KIAA1217: variants seen among roughly 807,000 people sequenced by gnomAD.
The protein encoded by KIAA1217 is sickle tail protein homolog.
In KIAA1217, 88 loss-of-function variants were observed where a neutral mutation model predicts 163.9. The ratio of observed to expected loss-of-function variants is 0.54; its 90% CI spans 0.45 to 0.64. KIAA1217 has a LOEUF of 0.64. Ranked by LOEUF, KIAA1217 falls within the 30% of genes least tolerant of loss-of-function variation. The probability of loss-of-function intolerance (pLI) is 0.00; values close to 1 mark genes in which losing one functional copy is unlikely to be tolerated. For missense variants in KIAA1217, 2,372 were observed against 2,475.0 expected (o/e 0.96, Z 0.88); for synonymous variants, 903 against 923.1 (o/e 0.98, Z 0.39).
chr10:23,863,247 C>T (rs548202552), intron 1 of KIAA1217, among the ~76,000 whole-genome samples: 1 of 152,236 alleles, frequency 6.6e-6, no homozygotes, highest in East Asian at 1.9e-4. Flanking sequence ...TGTTACATCC[C>T]AAACCAAACT....
At chr10:24,023,328 A>G (rs1219247668) in intron 2 of KIAA1217, among the ~76,000 whole-genome samples, 1 of 151,756 alleles carries the variant, frequency 6.6e-6, no homozygotes, top group Non-Finnish European at 1.5e-5. Context: ...ACTGTTTGCC[A>G]GTATCTATTA....
chr10:24,288,767 A>G (rs916726543), intron 2 of KIAA1217, among the ~76,000 whole-genome samples: 3 of 152,214 alleles, frequency 2.0e-5, no homozygotes, highest in African/African-American at 7.2e-5. Context: ...TAATGAGCAC[A>G]GCGTGTGTAG....
chr10:23,765,193 T>C (rs1291426205), intron 1 of KIAA1217, among the ~76,000 whole-genome samples: 18 of 124,778 alleles, frequency 1.4e-4, no homozygotes, highest in African/African-American at 5.7e-4. Flanking sequence ...TTCTCTTTTT[T>C]TTTTTTTTTT....
intron 10 of KIAA1217, among the ~76,000 whole-genome samples, chr10:24,516,521 C>T (rs181747414): frequency 6.6e-6 from 1 of 152,294 alleles, no homozygotes; most frequent in Non-Finnish European, 1.5e-5. Flanking sequence ...ACAAACAAAG[C>T]CGGTGATTCT....
At chr10:23,906,825 A>C (rs1298662541) in intron 1 of KIAA1217, among the ~76,000 whole-genome samples, 2 of 152,102 alleles carry the variant, frequency 1.3e-5, no homozygotes, top group Admixed American at 6.6e-5. Flanking sequence ...TCCTGGCTAA[A>C]TTTCTTTGTA....
intron 2 of KIAA1217, among the ~76,000 whole-genome samples, chr10:24,080,060 G>A (rs993870450): frequency 2.6e-5 from 4 of 152,124 alleles, no homozygotes; most frequent in African/African-American, 7.2e-5. Flanking sequence ...CTGTTCTTCC[G>A]GCCTGTGTCC....
intron 2 of KIAA1217, among the ~76,000 whole-genome samples, chr10:24,242,197 C>A (rs2073189306): frequency 6.6e-6 from 1 of 152,118 alleles, no homozygotes; most frequent in African/African-American, 2.4e-5. Context: ...ATACTGGATC[C>A]AGATAATGAG....
At chr10:24,494,726 C>T (rs2066558798) in intron 7 of KIAA1217, 122 bp downstream of exon 7, 3 of 741,454 alleles carry the variant, frequency 4.0e-6, no homozygotes, top group Admixed American at 2.9e-5. Context: ...ATATTCACAT[C>T]TCTATGGATC....
chr10:24,493,670 T>C (rs2066421336), intron 6 of KIAA1217, among the ~76,000 whole-genome samples: 2 of 152,200 alleles, frequency 1.3e-5, no homozygotes, highest in African/African-American at 2.4e-5. Context: ...ATGGCCAAGC[T>C]GTTAGGGATA....
intron 1 of KIAA1217, among the ~76,000 whole-genome samples, chr10:23,860,565 A>C (rs1839904250): frequency 6.6e-6 from 1 of 152,222 alleles, no homozygotes; most frequent in African/African-American, 2.4e-5. Flanking sequence ...AGGAATTGTT[A>C]TTCTAACTCA....
In KIAA1217 at chr10:24,277,691, C is replaced by T. The variant is rs759029448; in HGVS notation, c.354+57782C>T. Among the ~76,000 whole-genome samples the T allele has an allele frequency of 5.1e-4, 77 of 152,208 alleles. 1 individual carries two copies. The highest frequency in any genetic ancestry group is 2.2e-3 in the Admixed American group (33 of 15,284). On this transcript the variant is annotated intron_variant, in intron 2 of 20. Transcript: ENST00000376454. ...CTTGCTGCTGCCATGTGAAGAAGGA[C>T]GTGTTTGCTTCCCCTTCAACCATGA...
chr10:24,381,094 GC>G, intron 3 of KIAA1217, 27 bp downstream of exon 3: 1 of 1,482,196 alleles, frequency 6.7e-7, no homozygotes, highest in Non-Finnish European at 9.0e-7. Flanking sequence ...AGTTTCTGAT[GC>G]CCCTTTCTTA....
At chr10:24,087,258 A>G (rs1340686343) in intron 2 of KIAA1217, among the ~76,000 whole-genome samples, 3 of 152,214 alleles carry the variant, frequency 2.0e-5, no homozygotes, top group East Asian at 3.8e-4. Flanking sequence ...TTTTTCACAG[A>G]AACTACTTTG....
At chr10:24,394,732 T>C (rs2055483245) in intron 3 of KIAA1217, among the ~76,000 whole-genome samples, 1 of 152,170 alleles carries the variant, frequency 6.6e-6, no homozygotes, top group Non-Finnish European at 1.5e-5. Context: ...CCTGCCGCTC[T>C]CTGCTTTGAT....
chr10:24,346,186 G>T (rs184278975), intron 2 of KIAA1217, among the ~76,000 whole-genome samples: 2 of 152,260 alleles, frequency 1.3e-5, no homozygotes, highest in East Asian at 3.9e-4. Flanking sequence ...TATTCTGGCC[G>T]GGCACCGTGG....
intron 2 of KIAA1217, among the ~76,000 whole-genome samples, chr10:24,257,462 A>G (rs2075286643): frequency 6.6e-6 from 1 of 151,908 alleles, no homozygotes; most frequent in Admixed American, 6.6e-5. Context: ...TTTCTTTTTT[A>G]CTTTTAGATC....
At chr10:23,822,065 C>T (rs1428836040) in intron 1 of KIAA1217, among the ~76,000 whole-genome samples, 1 of 152,166 alleles carries the variant, frequency 6.6e-6, no homozygotes, top group Non-Finnish European at 1.5e-5. Flanking sequence ...GGCACCACAG[C>T]TCCACACATT....
intron 1 of KIAA1217, among the ~76,000 whole-genome samples, chr10:23,982,571 C>CTG (rs1482310467): frequency 6.9e-6 from 1 of 145,300 alleles, no homozygotes; most frequent in East Asian, 2.0e-4. Flanking sequence ...CTCTCTCTCT[C>CTG]TCTCTCTCTC....
intron 1 of KIAA1217, among the ~76,000 whole-genome samples, chr10:23,702,819 TAAA>T (rs1265771481): frequency 6.6e-6 from 1 of 152,112 alleles, no homozygotes; most frequent in Non-Finnish European, 1.5e-5. Context: ...AAAATTAACA[TAAA>T]TAATATTAAG....
Sources: allele counts gnomAD v4.1 joint callset (sites outside exome capture counted in the v4.1 genomes callset), GRCh38; gene constraint gnomAD v4.1.1; transcripts MANE v1.5; gene names NCBI Gene and HGNC (gene_info 2026-07-23, HGNC 2026-07-21).